PRKN: variants seen among roughly 807,000 people sequenced by gnomAD.
PRKN encodes parkin RBR E3 ubiquitin protein ligase.
PRKN carries 56 observed loss-of-function variants against 59.5 expected under a neutral mutation model. The ratio of observed to expected loss-of-function variants is 0.94; its 90% CI spans 0.76 to 1.18. PRKN has a LOEUF of 1.18. Among genes scored for constraint, PRKN ranks in the 50% most tolerant of loss-of-function variants. The pLI, the probability that PRKN is intolerant of heterozygous loss-of-function variation, is 0.00. For missense variants in PRKN, 657 were observed against 596.4 expected, an observed-to-expected ratio of 1.10 and a Z score of -1.06; for synonymous variants, 250 against 222.1, an observed-to-expected ratio of 1.13 and a Z score of -1.12.
At chr6:162,110,629 T>G (rs1050035886) in intron 4 of PRKN, among the ~76,000 whole-genome samples, 1 of 152,198 alleles carries the variant, frequency 6.6e-6, no homozygotes, top group Non-Finnish European at 1.5e-5. Context: ...AATAGCATCT[T>G]GACATGGTCT....
chr6:162,362,664 G>A (rs546810966), intron 2 of PRKN, among the ~76,000 whole-genome samples: 2 of 152,196 alleles, frequency 1.3e-5, no homozygotes, highest in East Asian at 1.9e-4. Flanking sequence ...AACAATAGTA[G>A]GAAGAGGCGG....
At chr6:161,641,665 T>A (rs1029323289) in intron 7 of PRKN, among the ~76,000 whole-genome samples, 1 of 152,200 alleles carries the variant, frequency 6.6e-6, no homozygotes, top group African/African-American at 2.4e-5. Context: ...GTCTAGGCAA[T>A]GGGCAAGGAG....
At chr6:162,604,129 G>A (rs577110391) in intron 1 of PRKN, among the ~76,000 whole-genome samples, 2 of 152,274 alleles carry the variant, frequency 1.3e-5, no homozygotes, top group Non-Finnish European at 2.9e-5. Context: ...TCTGACCACA[G>A]CAACCTTTCC....
Position 161,483,278 on chromosome 6 carries a change from T to A in PRKN, c.1083+65576A>T, listed in dbSNP as rs1443256918. Reference sequence around the variant, plus strand: ...TTTTCATAGCTATGCATTAATTGACTGAATTGGCTTTGTATTTCAGGCCAA... The same window carrying A: ...TTTTCATAGCTATGCATTAATTGACAGAATTGGCTTTGTATTTCAGGCCAA... On this transcript the variant is annotated intron_variant, in intron 9 of 11. Coordinates refer to ENST00000366898, the MANE Select transcript of PRKN (RefSeq NM_004562.3). The surrounding 1 kb of genome is among the most constrained non-coding windows in gnomAD (Gnocchi z 5.0). Among the ~76,000 whole-genome samples the A allele has an allele frequency of 7.2e-5, 11 of 152,110 alleles. No individual in the cohort carries two copies. Among genetic ancestry groups the A allele is most frequent in the Non-Finnish European group, 1.6e-4 (11 of 68,024 alleles).
At chr6:161,747,588 G>A (rs999483306) in intron 7 of PRKN, among the ~76,000 whole-genome samples, 1 of 152,146 alleles carries the variant, frequency 6.6e-6, no homozygotes, top group Non-Finnish European at 1.5e-5. Flanking sequence ...AAACACGTGG[G>A]CACGACAATA....
intron 6 of PRKN, among the ~76,000 whole-genome samples, chr6:161,824,825 A>G (rs898872838): frequency 5.3e-5 from 8 of 152,256 alleles, no homozygotes; most frequent in Non-Finnish European, 7.3e-5. Context: ...ACTAACATTG[A>G]CTAAGATAAC....
intron 7 of PRKN, among the ~76,000 whole-genome samples, chr6:161,742,357 T>C (rs1353155942): frequency 2.0e-5 from 3 of 152,328 alleles, no homozygotes; most frequent in East Asian, 3.9e-4. Context: ...CTTTCTGCCA[T>C]GATTGTGAGG....
At chr6:161,720,731 G>A (rs1393746058) in intron 7 of PRKN, among the ~76,000 whole-genome samples, 1 of 151,780 alleles carries the variant, frequency 6.6e-6, no homozygotes, top group Non-Finnish European at 1.5e-5. Context: ...AATTCTACAA[G>A]AAGTTAGTAT....
intron 4 of PRKN, among the ~76,000 whole-genome samples, chr6:162,163,966 A>G (rs914387947): frequency 1.3e-5 from 2 of 149,060 alleles, no homozygotes; most frequent in East Asian, 3.9e-4. Flanking sequence ...ATTTAAGAAT[A>G]CACACATGTG....
chr6:162,156,875 C>G (rs538732442), intron 4 of PRKN, among the ~76,000 whole-genome samples: 1 of 152,226 alleles, frequency 6.6e-6, no homozygotes, highest in East Asian at 1.9e-4. Flanking sequence ...TGTAAAGACT[C>G]CAGACCATGT....
chr6:162,384,582 T>A (rs1309845532), intron 2 of PRKN, among the ~76,000 whole-genome samples: 3 of 151,112 alleles, frequency 2.0e-5, no homozygotes, highest in African/African-American at 7.3e-5. Context: ...TGAGCACATG[T>A]TGTTGGAAAG....
intron 7 of PRKN, among the ~76,000 whole-genome samples, chr6:161,656,997 A>C (rs145059465): frequency 2.1e-4 from 32 of 152,294 alleles, no homozygotes; most frequent in African/African-American, 7.7e-4. Context: ...AGATTCTCCA[A>C]AAAATATTTG....
intron 6 of PRKN, among the ~76,000 whole-genome samples, chr6:161,936,355 G>A (rs551141739): frequency 5.9e-5 from 9 of 151,890 alleles, no homozygotes; most frequent in South Asian, 2.1e-4. Flanking sequence ...GACTACAGGC[G>A]CATGCCACAA....
chr6:162,513,709 C>A (rs1777728414), intron 1 of PRKN, among the ~76,000 whole-genome samples: 1 of 152,060 alleles, frequency 6.6e-6, no homozygotes, highest in Admixed American at 6.6e-5. Context: ...GGAGACAAGG[C>A]AAATGTTGAC....
At chr6:161,670,771 A>G (rs566145184) in intron 7 of PRKN, among the ~76,000 whole-genome samples, 14 of 152,172 alleles carry the variant, frequency 9.2e-5, no homozygotes, top group Admixed American at 9.2e-4. Context: ...AGCTGAAATA[A>G]TGCCACTGCA....
At chr6:162,357,901 T>C (rs1784944048) in intron 2 of PRKN, among the ~76,000 whole-genome samples, 1 of 152,082 alleles carries the variant, frequency 6.6e-6, no homozygotes, top group South Asian at 2.1e-4. Context: ...TTGCCACAGG[T>C]TCAGGGGAAG....
At chr6:161,510,405 G>T (rs143997553) in intron 9 of PRKN, among the ~76,000 whole-genome samples, 1 of 150,100 alleles carries the variant, frequency 6.7e-6, no homozygotes, top group African/African-American at 2.5e-5. Context: ...CCCTGAGGTC[G>T]CCAGTGAGGC....
intron 1 of PRKN, among the ~76,000 whole-genome samples, chr6:162,560,853 C>CAAAAAAAAAAAACA (rs1779804920): frequency 1.8e-5 from 1 of 56,506 alleles, no homozygotes; most frequent in Non-Finnish European, 3.1e-5. Flanking sequence ...GAGAGAGAGG[C>CAAAAAAAAAAAACA]AAAAAAAAAA....
chr6:161,988,224 G>A (rs1471906628), intron 5 of PRKN, among the ~76,000 whole-genome samples: 1 of 152,090 alleles, frequency 6.6e-6, no homozygotes, highest in Non-Finnish European at 1.5e-5. Flanking sequence ...GGCTGGGCAT[G>A]GTGGCTTATG....
Sources: allele counts gnomAD v4.1 joint callset (sites outside exome capture counted in the v4.1 genomes callset), GRCh38; gene constraint gnomAD v4.1.1; non-coding constraint Gnocchi (gnomAD v3.1); transcripts MANE v1.5; gene names NCBI Gene and HGNC (gene_info 2026-07-23, HGNC 2026-07-21).